Variants in PLD3 observed in about 807,000 individuals in gnomAD.
PLD3 encodes the protein phospholipase D family member 3, also known as 5'-3' exonuclease PLD3.
A neutral mutation model predicts 58.4 loss-of-function variants in PLD3; 31 were observed. That is an observed-to-expected ratio of 0.53 (90% confidence interval 0.40 to 0.72). The LOEUF (loss-of-function observed/expected upper bound fraction) is 0.72, where lower values mean the gene tolerates loss of function less well. Among genes scored for constraint, PLD3 ranks in the 30% least tolerant of loss-of-function variants. The probability of loss-of-function intolerance (pLI) is 0.00; values close to 1 mark genes in which losing one functional copy is unlikely to be tolerated. For synonymous variants in PLD3, 264 were observed against 273.4 expected (o/e 0.97, Z 0.34); for missense variants, 595 against 659.8 (o/e 0.90, Z 1.08).
At chr19:40,362,052 G>C (rs934398193) in intron 1 of PLD3, among the ~76,000 whole-genome samples, 1 of 152,012 alleles carries the variant, frequency 6.6e-6, no homozygotes, top group Non-Finnish European at 1.5e-5. Context: ...GGCCAGGCTG[G>C]TCTCGAATGC....
At chr19:40,372,631 C>CT (rs1380642891) in intron 9 of PLD3, among the ~76,000 whole-genome samples, 56 of 86,396 alleles carry the variant, frequency 6.5e-4, no homozygotes, top group African/African-American at 2.0e-3. Flanking sequence ...TCATTTCTTT[C>CT]TATTTTTTTT....
chr19:40,365,128 G>A (rs1418370267), intron 1 of PLD3, among the ~76,000 whole-genome samples: 1 of 152,128 alleles, frequency 6.6e-6, no homozygotes, highest in African/African-American at 2.4e-5. Flanking sequence ...GTTTGGGGGA[G>A]CTTGAGGGAA....
At chr19:40,367,919 G>T in intron 6 of PLD3, 40 bp downstream of exon 6, 9 of 1,502,488 alleles carry the variant, frequency 6.0e-6, no homozygotes, top group Non-Finnish European at 8.0e-6. Flanking sequence ...CAGGGGCAGG[G>T]GGTGGGAGGC....
rs202089498 is a variant in PLD3, at chr19:40,377,804, G to A, written c.1204G>A (p.Ala402Thr). Residue 402 changes from alanine to threonine, a missense_variant, in exon 12 of 13, where the codon GCG (alanine) becomes ACG (threonine). Ala to Thr is a moderately conservative substitution (Grantham distance 58). Coordinates refer to ENST00000409735, the MANE Select transcript of PLD3 (RefSeq NM_012268.4). ...DIQVKLFVVP[A>T]DEAQARIPYA... ...CACTCAGAAACTCTTTGTGGTCCCC[G>A]CGGATGAGGCCCAGGCTCGAATCCC... 1.3e-5 allele frequency: 21 copies of A among 1,613,398 alleles called. No individual in the cohort carries two copies. The highest frequency in any genetic ancestry group is 1.7e-4 in the Middle Eastern group (1 of 6,058).
intron 1 of PLD3, chr19:40,359,584 C>T (rs1243195830): frequency 6.6e-6 from 1 of 152,210 alleles, no homozygotes; most frequent in East Asian, 1.9e-4. Flanking sequence ...CCCGCTGAGA[C>T]CACAGTCCTC....
At chr19:40,359,624 C>T (rs915748923) in intron 1 of PLD3, 1 of 152,090 alleles carries the variant, frequency 6.6e-6, no homozygotes, top group Non-Finnish European at 1.5e-5. Flanking sequence ...ATGGGGCACC[C>T]TAGCTAGGAG....
At position 40,371,749 on chromosome 19, in the gene PLD3, G is replaced by A. The variant is rs1390826205; in HGVS notation, c.755G>A (p.Trp252Ter). ...RDLTKIFEAY[W>*]FLGQAGSSIP... ...CTGACCAAGATCTTTGAGGCCTACTGGTTCCTGGGCCAGGCAGGCAGCTCC... is the reference window on the plus strand; with the variant it reads ...CTGACCAAGATCTTTGAGGCCTACTAGTTCCTGGGCCAGGCAGGCAGCTCC... The change falls in exon 9 of 13, where the codon TGG (tryptophan) becomes TAG (stop). Residue 252 changes from tryptophan to a stop codon, truncating the protein, a stop_gained. Transcript: ENST00000409735. LOFTEE classifies it high-confidence loss of function. 1 of 1,613,818 alleles carries A rather than the reference G, an allele frequency of 6.2e-7. No homozygotes were observed.
intron 10 of PLD3, among the ~76,000 whole-genome samples, chr19:40,375,722 A>C (rs572101263): frequency 6.6e-6 from 1 of 151,826 alleles, no homozygotes; most frequent in Non-Finnish European, 1.5e-5. Flanking sequence ...CAGGTGGATG[A>C]TGGCACTTGT....
Position 40,371,820 on chromosome 19 carries a change from G to C in PLD3, c.826G>C (p.Glu276Gln), listed in dbSNP as rs1394379977. The stretch of plus-strand genomic sequence containing the variant: ...GTTCTATGACACCCGCTACAACCAA[G>C]AGACACCAATGGAGATCTGCCTCAA... ...PRFYDTRYNQ[E>Q]TPMEICLNGT... Residue 276 changes from glutamate (E) to glutamine (Q), a missense_variant, in exon 9 of 13, where the codon GAG (glutamate) becomes CAG (glutamine). Transcript: ENST00000409735. 6.2e-7 allele frequency: 1 copy of C among 1,614,014 alleles called. No homozygotes were observed. The highest frequency in any genetic ancestry group is 2.2e-5 in the East Asian group (1 of 44,890).
intron 9 of PLD3, among the ~76,000 whole-genome samples, chr19:40,374,161 C>T (rs1255870463): frequency 2.0e-5 from 3 of 152,128 alleles, no homozygotes; most frequent in Admixed American, 2.0e-4. Flanking sequence ...AACAAGTTCC[C>T]AGGTGATGCT....
chr19:40,355,666 TTGTC>T, intron 1 of PLD3, among the ~76,000 whole-genome samples: 1 of 147,752 alleles, frequency 6.8e-6, no homozygotes, highest in Non-Finnish European at 1.5e-5. Flanking sequence ...GGAGCAGGGC[TTGTC>T]AGCAAGTCAT....
At chr19:40,363,976 C>T (rs2078851410) in intron 1 of PLD3, among the ~76,000 whole-genome samples, 1 of 151,930 alleles carries the variant, frequency 6.6e-6, no homozygotes, top group African/African-American at 2.4e-5. Context: ...ACTGGTGACG[C>T]CTGTGTTTGC....
At position 40,366,457 on chromosome 19, in the gene PLD3, C is replaced by T; in HGVS notation, c.-27C>T. The T allele has an allele frequency of 6.2e-7, 1 of 1,612,688 alleles. No individual in the cohort carries two copies. The highest frequency in any genetic ancestry group is 1.7e-4 in the Middle Eastern group (1 of 6,060). On this transcript the variant is annotated 5_prime_UTR_variant, in exon 3 of 13. Coordinates refer to ENST00000409735, the MANE Select transcript of PLD3 (RefSeq NM_012268.4). ...ACACACCCACCTTCTCACCTGGGCT[C>T]TGCGTATCCCCCAGCCTTGAGGGAA...
intron 1 of PLD3, among the ~76,000 whole-genome samples, chr19:40,364,570 T>A (rs1272085880): frequency 6.6e-6 from 1 of 151,414 alleles, no homozygotes; most frequent in East Asian, 1.9e-4. Flanking sequence ...GACGGGCGGA[T>A]CACGAGGTCA....
At chr19:40,371,458 C>G (rs2079065451) in intron 8 of PLD3, 1 of 576,822 alleles carries the variant, frequency 1.7e-6, no homozygotes, top group Non-Finnish European at 3.1e-6. Context: ...GTAGAAGCAA[C>G]AGCAGATTGC....
At chr19:40,373,861 C>T (rs536203360) in intron 9 of PLD3, among the ~76,000 whole-genome samples, 1 of 152,020 alleles carries the variant, frequency 6.6e-6, no homozygotes, top group South Asian at 2.1e-4. Context: ...TGGTGATGTA[C>T]GCCTGTAGTC....
At chr19:40,352,535 C>G (rs2078545783) in intron 1 of PLD3, among the ~76,000 whole-genome samples, 1 of 152,064 alleles carries the variant, frequency 6.6e-6, no homozygotes, top group Non-Finnish European at 1.5e-5. Flanking sequence ...TCCAGGCTTA[C>G]CACATATCCT....
intron 1 of PLD3, among the ~76,000 whole-genome samples, chr19:40,363,803 C>T (rs559794486): frequency 4.7e-4 from 71 of 152,138 alleles, no homozygotes; most frequent in Non-Finnish European, 9.0e-4. Context: ...GTTCTACCCT[C>T]GCCAGTCTGG....
At position 40,369,796 on chromosome 19, in the gene PLD3, T is replaced by C. The variant is rs1365201342; in HGVS notation, c.430-112T>C. 16 of 960,040 alleles carry C rather than the reference T, an allele frequency of 1.7e-5. No individual in the cohort carries two copies. The Admixed American group carries it at 4.1e-4, about 25-fold the overall frequency. The allele number at this position is 960,040 out of a possible 1,614,324, so 59.5% of individuals were successfully genotyped here. A position where few individuals can be genotyped will look rare whatever the true frequency, so the allele number is the denominator to read the frequency against. Reference sequence around the variant, plus strand: ...AAAGTCTTTAATCTATGCAGGCTAATGTAAAGTCTGTTTACTCCTAATCAT... The same window carrying C: ...AAAGTCTTTAATCTATGCAGGCTAACGTAAAGTCTGTTTACTCCTAATCAT... On this transcript the variant is annotated intron_variant, in intron 6 of 12. Transcript: ENST00000409735.
Sources: allele counts gnomAD v4.1 joint callset (sites outside exome capture counted in the v4.1 genomes callset), GRCh38; gene constraint gnomAD v4.1.1; transcripts MANE v1.5; gene names NCBI Gene and HGNC (gene_info 2026-07-23, HGNC 2026-07-21).